PRDX1: variants seen among roughly 807,000 people sequenced by gnomAD.
PRDX1 encodes the protein peroxiredoxin 1, also known as peroxiredoxin-1.
In PRDX1, 19 loss-of-function variants were observed where a neutral mutation model predicts 20.7. The observed-to-expected ratio is 0.92, with a 90% confidence interval of 0.64 to 1.35. The LOEUF (loss-of-function observed/expected upper bound fraction) is 1.35. Among genes scored for constraint, PRDX1 ranks in the 40% most tolerant of loss-of-function variants. The pLI is 0.00. For synonymous variants in PRDX1, 89 were observed against 83.9 expected, an observed-to-expected ratio of 1.06 and a Z score of -0.33; for missense variants, 226 against 240.0, an observed-to-expected ratio of 0.94 and a Z score of 0.38.
At chr1:45,517,623 T>C (rs1331592836) in intron 2 of PRDX1, among the ~76,000 whole-genome samples, 1 of 151,620 alleles carries the variant, frequency 6.6e-6, no homozygotes, top group Non-Finnish European at 1.5e-5. Flanking sequence ...CTACTAAAAA[T>C]ACAAAAAAAT....
At chr1:45,511,587 T>A in intron 5 of PRDX1, 173 bp from the exon 6 acceptor site, 1 of 438,446 alleles carries the variant, frequency 2.3e-6, no homozygotes, top group Non-Finnish European at 4.0e-6. Flanking sequence ...TACAAACATA[T>A]AATCATCACC....
At position 45,514,985 on chromosome 1, in the gene PRDX1, G is replaced by C. The variant is rs1329239951; in HGVS notation, c.271C>G (p.Pro91Ala). The C allele has an allele frequency of 6.2e-7, 1 of 1,614,158 alleles. No homozygotes were observed. Among genetic ancestry groups the C allele is most frequent in the Non-Finnish European group, 8.5e-7 (1 of 1,180,016 alleles). ...GGTCCCAGTCCTCCTTGTTTCTTAGGTGTATTGACCCTATGGCAAAAGGCA... is the reference window on the plus strand; with the variant it reads ...GGTCCCAGTCCTCCTTGTTTCTTAGCTGTATTGACCCTATGGCAAAAGGCA... ...HFCHLAWVNT[P>A]KKQGGLGPMN... The change falls in exon 4 of 6, where the codon CCT becomes GCT. Residue 91 changes from proline to alanine, a missense_variant. Transcript: ENST00000319248.
intron 1 of PRDX1, among the ~76,000 whole-genome samples, chr1:45,519,921 A>T (rs2149330080): frequency 6.6e-6 from 1 of 152,328 alleles, no homozygotes. Context: ...TTAAGAGGCA[A>T]GACCACTGGG....
chr1:45,517,629 A>C (rs1643872538), intron 2 of PRDX1, among the ~76,000 whole-genome samples: 2 of 152,056 alleles, frequency 1.3e-5, no homozygotes, highest in Admixed American at 6.5e-5. Context: ...AAAATACAAA[A>C]AAATTAGCCA....
At chr1:45,517,073 T>C (rs1643868209) in intron 2 of PRDX1, among the ~76,000 whole-genome samples, 1 of 150,800 alleles carries the variant, frequency 6.6e-6, no homozygotes, top group Non-Finnish European at 1.5e-5. Flanking sequence ...ATTTACCACT[T>C]TGCAGTATCA....
chr1:45,515,793 A>G lies in PRDX1; in HGVS notation c.121T>C (p.Phe41Leu). The G allele has an allele frequency of 3.8e-6, 6 of 1,566,948 alleles. No individual in the cohort carries two copies. The highest frequency in any genetic ancestry group is 5.2e-6 in the Non-Finnish European group (6 of 1,161,958). The change falls in exon 3 of 6, where the codon TTC (phenylalanine) becomes CTC (leucine). Residue 41 changes from phenylalanine (F) to leucine (L), a missense_variant. By Grantham distance (22) the Phe-to-Leu change is conservative (BLOSUM62 0). Transcript: ENST00000319248. ...LSDYKGKYVV[F>L]FFYPLDFTFV... ...GTGAAGTCAAGAGGGTAAAAGAAGA[A>G]CACAACATATTTTCCTGGGGGGAAA...
At chr1:45,521,981 T>A (rs974083093), upstream of PRDX1, 1 of 152,256 alleles carries the variant, frequency 6.6e-6, no homozygotes, top group Non-Finnish European at 1.5e-5. Flanking sequence ...AGGAGGGGGA[T>A]GTGGCCCGAG....
At chr1:45,512,991 T>C (rs940632369) in intron 5 of PRDX1, 2 of 152,148 alleles carry the variant, frequency 1.3e-5, no homozygotes, top group Admixed American at 1.3e-4. Flanking sequence ...AATAACTTCA[T>C]TTCCTTTAAA....
chr1:45,521,512 G>A (rs1643913049), intron 1 of PRDX1: 1 of 152,334 alleles, frequency 6.6e-6, no homozygotes, highest in Non-Finnish European at 1.5e-5. Flanking sequence ...CCGTCCGGCA[G>A]GAGGCTAGTC....
At chr1:45,516,760 AGCAGTTTGGGAG>A (rs544569362) in intron 2 of PRDX1, among the ~76,000 whole-genome samples, 75 of 152,248 alleles carry the variant, frequency 4.9e-4, no homozygotes, top group African/African-American at 1.7e-3. Flanking sequence ...CTGTAATCCC[AGCAGTTTGGGAG>A]GCAGTTTGGG....
intron 1 of PRDX1, among the ~76,000 whole-genome samples, chr1:45,519,887 G>A (rs1016969033): frequency 8.6e-5 from 13 of 151,854 alleles, no homozygotes; most frequent in Non-Finnish European, 1.5e-5. Flanking sequence ...GTGAGCCACC[G>A]CGCCCTTCCA....
At chr1:45,520,136 C>A (rs1224215275) in intron 1 of PRDX1, among the ~76,000 whole-genome samples, 1 of 145,734 alleles carries the variant, frequency 6.9e-6, no homozygotes, top group African/African-American at 2.6e-5. Context: ...ACCCGGGAGG[C>A]AGAGGTTGCA....
intron 5 of PRDX1, among the ~76,000 whole-genome samples, chr1:45,513,539 C>T (rs1250153671): frequency 1.3e-5 from 2 of 152,146 alleles, no homozygotes; most frequent in Non-Finnish European, 2.9e-5. Context: ...CAGATTGTTA[C>T]TGTCTCTGTG....
intron 5 of PRDX1, among the ~76,000 whole-genome samples, chr1:45,513,839 G>T (rs181397281): frequency 6.6e-6 from 1 of 152,186 alleles, no homozygotes; most frequent in African/African-American, 2.4e-5. Flanking sequence ...GGAAACCCAG[G>T]TATTGTCCAA....
intron 2 of PRDX1, among the ~76,000 whole-genome samples, chr1:45,516,594 C>G (rs1643864017): frequency 6.6e-6 from 1 of 152,150 alleles, no homozygotes; most frequent in Non-Finnish European, 1.5e-5. Flanking sequence ...TGGGATTAAC[C>G]ACTGAAATAA....
chr1:45,517,733 G>C (rs34960532), intron 2 of PRDX1, among the ~76,000 whole-genome samples: 203 of 142,384 alleles, frequency 1.4e-3, no homozygotes, highest in African/African-American at 5.0e-3. Context: ...AGTGAGCTGA[G>C]ATCGCACCAC....
intron 3 of PRDX1, among the ~76,000 whole-genome samples, 192 bp downstream of exon 3, chr1:45,515,462 G>C (rs916735428): frequency 2.6e-5 from 4 of 151,954 alleles, no homozygotes; most frequent in African/African-American, 4.8e-5. Context: ...AGCCAGGTAT[G>C]GTGGCAGGCG....
At chr1:45,513,557 A>C (rs913397599) in intron 5 of PRDX1, among the ~76,000 whole-genome samples, 5 of 152,190 alleles carry the variant, frequency 3.3e-5, no homozygotes, top group African/African-American at 1.2e-4. Flanking sequence ...GTGTAGAAAG[A>C]AGTAGACAGA....
chr1:45,518,527 C>T (rs950296277), intron 2 of PRDX1, among the ~76,000 whole-genome samples: 1 of 147,452 alleles, frequency 6.8e-6, no homozygotes, highest in African/African-American at 2.5e-5. Flanking sequence ...CATGCCCCTA[C>T]AGTCCCAGCT....
Sources: gnomAD v4.1 joint callset for allele counts (sites outside exome capture counted in the v4.1 genomes callset) on GRCh38, gnomAD v4.1.1 for gene constraint, MANE v1.5 for transcripts, NCBI Gene and HGNC (gene_info 2026-07-23, HGNC 2026-07-21) for gene names.